Variants in FAM117A observed in about 807,000 individuals in gnomAD.
FAM117A encodes family with sequence similarity 117 member A, also known as protein FAM117A.
FAM117A carries 21 observed loss-of-function variants against 44.1 expected under a neutral mutation model. The ratio of observed to expected loss-of-function variants is 0.48; its 90% CI spans 0.34 to 0.69. FAM117A has a LOEUF of 0.69. Among genes scored for constraint, FAM117A ranks in the 30% least tolerant of loss-of-function variants. The pLI, the probability that FAM117A is intolerant of heterozygous loss-of-function variation, is 0.01. For synonymous variants in FAM117A, 220 were observed against 238.3 expected (o/e 0.92, Z 0.71); for missense variants, 498 against 589.9 (o/e 0.84, Z 1.61).
intron 2 of FAM117A, among the ~76,000 whole-genome samples, chr17:49,727,078 G>C (rs1350916867): frequency 6.6e-6 from 1 of 152,034 alleles, no homozygotes; most frequent in South Asian, 2.1e-4. Flanking sequence ...TTTGGAAGCA[G>C]GGTAGAGCTG....
intron 1 of FAM117A, among the ~76,000 whole-genome samples, chr17:49,784,003 C>G (rs1401934266): frequency 6.6e-6 from 1 of 152,170 alleles, no homozygotes; most frequent in Admixed American, 6.5e-5. Flanking sequence ...TGGTGCCACC[C>G]CAATTACTAA....
intron 1 of FAM117A, 195 bp from the exon 2 acceptor site, chr17:49,732,915 CTTT>C: frequency 1.7e-6 from 1 of 588,736 alleles, no homozygotes; most frequent in South Asian, 2.2e-5. Context: ...CTCAGCCAGC[CTTT>C]ATCATGGGAA....
At chr17:49,764,924 C>T (rs971113143), upstream of FAM117A, among the ~76,000 whole-genome samples, 4 of 152,154 alleles carry the variant, frequency 2.6e-5, no homozygotes, top group African/African-American at 9.7e-5. Flanking sequence ...GAGTCGTCCA[C>T]TCCAAGTCTA....
intron 7 of FAM117A, 95 bp from the exon 8 acceptor site, chr17:49,711,650 G>T: frequency 8.4e-7 from 1 of 1,189,398 alleles, no homozygotes; most frequent in Non-Finnish European, 1.2e-6. Context: ...CAAGGCAGCA[G>T]GAGAGCTGGG....
chr17:49,747,042 T>A (rs1348562291), intron 1 of FAM117A: 1 of 151,938 alleles, frequency 6.6e-6, no homozygotes, highest in Non-Finnish European at 1.5e-5. Flanking sequence ...AGTTCTAGAA[T>A]TCCCCAACTA....
At chr17:49,776,098 A>G (rs1356110962) in intron 1 of FAM117A, among the ~76,000 whole-genome samples, 1 of 152,160 alleles carries the variant, frequency 6.6e-6, no homozygotes, top group African/African-American at 2.4e-5. Flanking sequence ...GCCAACAGCC[A>G]TGATGTAACC....
intron 1 of FAM117A, among the ~76,000 whole-genome samples, chr17:49,774,231 G>A (rs900135807): frequency 2.6e-5 from 4 of 151,926 alleles, no homozygotes; most frequent in Non-Finnish European, 4.4e-5. Context: ...CTGCAGCCTC[G>A]ACTTCCCAGG....
At chr17:49,741,894 G>A (rs1428177731) in intron 1 of FAM117A, among the ~76,000 whole-genome samples, 8 of 152,004 alleles carry the variant, frequency 5.3e-5, no homozygotes, top group Non-Finnish European at 8.8e-5. Context: ...AAGTTGTGGC[G>A]AAACTGAAAT....
At chr17:49,758,325 C>T (rs1012670805) in intron 1 of FAM117A, among the ~76,000 whole-genome samples, 8 of 138,248 alleles carry the variant, frequency 5.8e-5, no homozygotes, top group South Asian at 2.3e-4. Context: ...AGTGAGAGTC[C>T]GTCTCCAAAA....
intron 4 of FAM117A, 194 bp from the exon 5 acceptor site, chr17:49,720,088 T>C (rs2073526251): frequency 1.3e-6 from 1 of 757,784 alleles, no homozygotes; most frequent in East Asian, 2.7e-5. Context: ...CAGAGTCTAC[T>C]GTGTGCTGTA....
At chr17:49,721,694 C>T (rs1193824355) in intron 3 of FAM117A, among the ~76,000 whole-genome samples, 1 of 152,220 alleles carries the variant, frequency 6.6e-6, no homozygotes, top group Non-Finnish European at 1.5e-5. Context: ...TTCCAGCCTA[C>T]GGCTTTCTCC....
chr17:49,741,182 A>G (rs2073632776), intron 1 of FAM117A, among the ~76,000 whole-genome samples: 1 of 152,196 alleles, frequency 6.6e-6, no homozygotes, highest in Non-Finnish European at 1.5e-5. Context: ...AAACTCAACA[A>G]CTAGCTGGTT....
chr17:49,733,869 G>C (rs933170670), intron 1 of FAM117A, among the ~76,000 whole-genome samples: 6 of 152,088 alleles, frequency 3.9e-5, no homozygotes, highest in African/African-American at 1.4e-4. Context: ...ATGGCTGGGC[G>C]TGGTGGCTCA....
At chr17:49,760,857 T>G (rs1462953759) in intron 1 of FAM117A, among the ~76,000 whole-genome samples, 1 of 152,204 alleles carries the variant, frequency 6.6e-6, no homozygotes, top group African/African-American at 2.4e-5. Context: ...AGAATTGCAG[T>G]GAGAAGTTTA....
intron 1 of FAM117A, chr17:49,773,540 T>C (rs2073767629): frequency 6.6e-6 from 1 of 151,816 alleles, no homozygotes; most frequent in African/African-American, 2.4e-5. Context: ...CTACAAAATA[T>C]CACCACAGAT....
chr17:49,719,577 T>C, intron 5 of FAM117A, 183 bp downstream of exon 5: 2 of 706,130 alleles, frequency 2.8e-6, no homozygotes, highest in Admixed American at 3.3e-5. Flanking sequence ...CCTAGTGACA[T>C]GGGTTAAGGC....
Position 49,717,613 on chromosome 17 carries a change from A to T in FAM117A, c.810T>A (p.Ser270=), listed in dbSNP as rs1423287585. Residue 270 remains serine (S), a synonymous_variant, in exon 6 of 8, where the codon TCT becomes TCA. Coordinates refer to ENST00000240364, the MANE Select transcript of FAM117A (RefSeq NM_030802.4). ...LLLEPGNLAS[S]PSMSLASPQP... is the part of the protein sequence containing the mutation. Reference sequence around the variant, plus strand: ...GGGGAGATGCCAAGGACATGGAAGGAGAGCTGGCAAGGTTGCCAGGCTCCA... The same window carrying T: ...GGGGAGATGCCAAGGACATGGAAGGTGAGCTGGCAAGGTTGCCAGGCTCCA... 6.2e-7 allele frequency: 1 copy of T among 1,614,048 alleles called. No individual in the cohort carries two copies. The highest frequency in any genetic ancestry group is 1.1e-5 in the South Asian group (1 of 91,090).
chr17:49,716,448 AGT>A lies in FAM117A; in HGVS notation c.911-135_911-134del, dbSNP rs1279893076. 7 of 714,026 alleles carry A rather than the reference AGT, an allele frequency of 9.8e-6. No individual in the cohort carries two copies. The African/African-American group carries it at 1.3e-4, about 13-fold the overall frequency. 44.2% of individuals were successfully genotyped at this position (714,026 alleles called of 1,614,324 possible). A position where few individuals can be genotyped will look rare whatever the true frequency, so the allele number is the denominator to read the frequency against. On this transcript the variant is annotated intron_variant, in intron 6 of 7. Coordinates refer to ENST00000240364, the MANE Select transcript of FAM117A (RefSeq NM_030802.4). Reference sequence around the variant, plus strand: ...AAGAGGGTAGCGGGTGTGCTTATCCAGTGTGATTATACTCTACCTTAAAAACC... The same window carrying A: ...AAGAGGGTAGCGGGTGTGCTTATCCAGTGATTATACTCTACCTTAAAAACC...
chr17:49,724,319 G>A, intron 2 of FAM117A: 1 of 455,500 alleles, frequency 2.2e-6, no homozygotes, highest in Non-Finnish European at 4.4e-6. Flanking sequence ...AGGTGGCAGA[G>A]GCTATAGAGG....
Sources: gnomAD v4.1 joint callset for allele counts (sites outside exome capture counted in the v4.1 genomes callset) on GRCh38, gnomAD v4.1.1 for gene constraint, MANE v1.5 for transcripts, NCBI Gene and HGNC (gene_info 2026-07-23, HGNC 2026-07-21) for gene names.